NKAIN2: variants seen among roughly 807,000 people sequenced by gnomAD.
NKAIN2 encodes sodium/potassium transporting ATPase interacting 2, also known as sodium/potassium-transporting ATPase subunit beta-1-interacting protein 2.
A neutral mutation model predicts 32.6 loss-of-function variants in NKAIN2; 14 were observed. That is an observed-to-expected ratio of 0.43 (90% confidence interval 0.28 to 0.67). The LOEUF is 0.67. NKAIN2 is among the 30% of genes least tolerant of loss of function. The pLI, the probability that NKAIN2 is intolerant of heterozygous loss-of-function variation, is 0.17. For synonymous variants in NKAIN2, 80 were observed against 87.2 expected, an observed-to-expected ratio of 0.92 and a Z score of 0.46; for missense variants, 198 against 258.3, an observed-to-expected ratio of 0.77 and a Z score of 1.60.
intron 4 of NKAIN2, among the ~76,000 whole-genome samples, chr6:124,729,667 C>G (rs1254247590): frequency 2.0e-5 from 3 of 150,886 alleles, no homozygotes; most frequent in Admixed American, 2.0e-4. Flanking sequence ...GATGCCCTCT[C>G]TCACCACTCC....
At chr6:123,994,833 A>G (rs1484599614) in intron 1 of NKAIN2, among the ~76,000 whole-genome samples, 2 of 152,196 alleles carry the variant, frequency 1.3e-5, no homozygotes, top group African/African-American at 4.8e-5. Flanking sequence ...TTATATGAAT[A>G]ATTTAAAAGC....
chr6:124,437,803 A>G (rs1216965768), intron 3 of NKAIN2: 2 of 359,874 alleles, frequency 5.6e-6, no homozygotes, highest in East Asian at 1.5e-4. Context: ...GTTTTGAAGA[A>G]TGAATAATAA....
chr6:124,102,788 CT>C (rs1316139913), intron 1 of NKAIN2, among the ~76,000 whole-genome samples: 1 of 152,084 alleles, frequency 6.6e-6, no homozygotes, highest in African/African-American at 2.4e-5. Flanking sequence ...TTAAACAATC[CT>C]TGCTTCATAG....
chr6:124,701,228 C>CT (rs1774776379), intron 4 of NKAIN2, among the ~76,000 whole-genome samples: 1 of 151,326 alleles, frequency 6.6e-6, no homozygotes, highest in Non-Finnish European at 1.5e-5. Context: ...AATTTCATTT[C>CT]TTTTTTTATA....
intron 1 of NKAIN2, among the ~76,000 whole-genome samples, chr6:124,191,688 C>G (rs149609921): frequency 6.6e-6 from 1 of 152,120 alleles, no homozygotes; most frequent in South Asian, 2.1e-4. Flanking sequence ...GAAATGCATT[C>G]ATTCTTTTAT....
At chr6:124,444,727 C>CT (rs1389705206) in intron 3 of NKAIN2, among the ~76,000 whole-genome samples, 36 of 151,800 alleles carry the variant, frequency 2.4e-4, no homozygotes, top group Non-Finnish European at 4.1e-4. Context: ...ATCTCCTGAT[C>CT]TTTTTTTATG....
intron 4 of NKAIN2, among the ~76,000 whole-genome samples, chr6:124,659,241 A>T (rs770751263): frequency 6.6e-6 from 1 of 152,172 alleles, no homozygotes; most frequent in Admixed American, 6.5e-5. Flanking sequence ...TGTGCAATTG[A>T]TGTGCATAGT....
chr6:124,045,191 T>G (rs1193073628), intron 1 of NKAIN2, among the ~76,000 whole-genome samples: 2 of 151,852 alleles, frequency 1.3e-5, no homozygotes, highest in East Asian at 1.9e-4. Flanking sequence ...AATATATATA[T>G]AGAATGCATC....
At chr6:124,393,237 A>G (rs148047882) in intron 3 of NKAIN2, among the ~76,000 whole-genome samples, 210 of 152,304 alleles carry the variant, frequency 1.4e-3, no homozygotes, top group African/African-American at 4.7e-3. Context: ...ACTTTTAACT[A>G]TAAAATACTA....
chr6:124,662,724 G>A (rs999409769), intron 4 of NKAIN2, among the ~76,000 whole-genome samples: 1 of 152,234 alleles, frequency 6.6e-6, no homozygotes, highest in African/African-American at 2.4e-5. Flanking sequence ...TTGAGGTTGT[G>A]TTGGGAATGG....
At chr6:123,900,083 C>G (rs1774485395) in intron 1 of NKAIN2, among the ~76,000 whole-genome samples, 1 of 152,156 alleles carries the variant, frequency 6.6e-6, no homozygotes, top group African/African-American at 2.4e-5. Context: ...AGGCCCCTGG[C>G]CTAGGTTCAC....
chr6:124,618,201 G>T (rs1782977434), intron 3 of NKAIN2, among the ~76,000 whole-genome samples: 1 of 152,118 alleles, frequency 6.6e-6, no homozygotes, highest in South Asian at 2.1e-4. Flanking sequence ...ATTCTGGCTG[G>T]GCGTGGTGGC....
intron 1 of NKAIN2, among the ~76,000 whole-genome samples, chr6:124,245,527 T>A (rs1793351378): frequency 6.6e-6 from 1 of 152,108 alleles, no homozygotes; most frequent in African/African-American, 2.4e-5. Context: ...AAATGTTGAT[T>A]ACTCTTCAGC....
intron 3 of NKAIN2, among the ~76,000 whole-genome samples, chr6:124,556,458 G>T (rs1032323754): frequency 5.3e-5 from 8 of 152,144 alleles, no homozygotes; most frequent in African/African-American, 1.9e-4. Flanking sequence ...GGAGTAGGTT[G>T]GCTATCACAG....
chr6:124,357,547 T>A (rs1357131512), intron 3 of NKAIN2, among the ~76,000 whole-genome samples: 2 of 152,046 alleles, frequency 1.3e-5, no homozygotes, highest in Non-Finnish European at 2.9e-5. Context: ...GCAATTTGAA[T>A]GTGTCTACCC....
At chr6:124,357,771 ACTTTT>A (rs1307505782) in intron 3 of NKAIN2, among the ~76,000 whole-genome samples, 5 of 151,998 alleles carry the variant, frequency 3.3e-5, no homozygotes, top group Middle Eastern at 3.4e-3. Context: ...AGAGTTTAGA[ACTTTT>A]CTTTTTTTTA....
At chr6:124,707,805 G>C (rs1775181596) in intron 4 of NKAIN2, among the ~76,000 whole-genome samples, 1 of 152,028 alleles carries the variant, frequency 6.6e-6, no homozygotes, top group South Asian at 2.1e-4. Flanking sequence ...TGTTCACTCT[G>C]ATGGTAGTTT....
intron 3 of NKAIN2, among the ~76,000 whole-genome samples, chr6:124,576,874 A>G (rs1781354878): frequency 6.6e-6 from 1 of 152,226 alleles, no homozygotes; most frequent in Admixed American, 6.5e-5. Flanking sequence ...TAAAACTGCT[A>G]GAACAAAACA....
At chr6:124,821,956 C>T (rs1188399703) in intron 6 of NKAIN2, among the ~76,000 whole-genome samples, 8 of 152,196 alleles carry the variant, frequency 5.3e-5, no homozygotes, top group African/African-American at 1.9e-4. Context: ...CTGACCCCTT[C>T]AGTTAGTGTT....
Sources: allele counts gnomAD v4.1 joint callset (sites outside exome capture counted in the v4.1 genomes callset), GRCh38; gene constraint gnomAD v4.1.1; transcripts MANE v1.5; gene names NCBI Gene and HGNC (gene_info 2026-07-23, HGNC 2026-07-21).